The following CHN1 variants were observed in gnomAD, a reference collection of about 807,000 sequenced individuals.
CHN1 encodes the protein N-chimaerin.
CHN1 carries 37 observed loss-of-function variants against 59.5 expected under a neutral mutation model. That is an observed-to-expected ratio of 0.62 (90% CI 0.48 to 0.82). The LOEUF (loss-of-function observed/expected upper bound fraction) is 0.82. Ranked by LOEUF, CHN1 falls within the 40% of genes least tolerant of loss-of-function variation. The pLI is 0.00. For synonymous variants in CHN1, 206 were observed against 200.4 expected (o/e 1.03, Z -0.24); for missense variants, 469 against 571.0 (o/e 0.82, Z 1.82).
intron 6 of CHN1, among the ~76,000 whole-genome samples, chr2:174,860,892 A>C (rs1174124953): frequency 6.6e-6 from 1 of 152,086 alleles, no homozygotes; most frequent in African/African-American, 2.4e-5. Flanking sequence ...GTGCTTTTAA[A>C]GCCCTCTGAA....
At chr2:174,995,954 T>C (rs932987220) in intron 1 of CHN1, among the ~76,000 whole-genome samples, 1 of 152,216 alleles carries the variant, frequency 6.6e-6, no homozygotes, top group African/African-American at 2.4e-5. Context: ...ATAATTGTTC[T>C]ATTTTATTAT....
rs185788089 is a variant in CHN1 at position 174,980,023 on chromosome 2, A to G, written c.19+24871T>C. Among the ~76,000 whole-genome samples, 39 of 152,322 alleles carry G rather than the reference A, an allele frequency of 2.6e-4. 1 individual carries two copies. The highest frequency in any genetic ancestry group is 3.4e-3 in the Middle Eastern group (1 of 294). On this transcript the variant is annotated intron_variant, in intron 1 of 12. Coordinates refer to ENST00000409900, the MANE Select transcript of CHN1 (RefSeq NM_001822.7). ...ACTCTCACTTCTCTATAGGGGAAGG[A>G]GAAGTTGTTAAAGTCCTAAGAGTAG...
chr2:174,800,697 T>C (rs921966551), intron 12 of CHN1, among the ~76,000 whole-genome samples: 5 of 152,006 alleles, frequency 3.3e-5, no homozygotes, highest in South Asian at 2.1e-4. Flanking sequence ...AAGTAGACAG[T>C]TGAGTAAGTG....
intron 1 of CHN1, among the ~76,000 whole-genome samples, chr2:175,000,456 T>C (rs2105474187): frequency 1.3e-5 from 2 of 152,142 alleles, no homozygotes; most frequent in Admixed American, 1.3e-4. Flanking sequence ...TTTGTTTGTT[T>C]GTTTTGAGAC....
chr2:174,873,239 T>C (rs756601618), intron 6 of CHN1, among the ~76,000 whole-genome samples: 1 of 152,078 alleles, frequency 6.6e-6, no homozygotes, highest in Non-Finnish European at 1.5e-5. Context: ...ATTGGAGACT[T>C]AGGCATGTAA....
At chr2:174,991,922 T>C (rs971988624) in intron 1 of CHN1, among the ~76,000 whole-genome samples, 1 of 152,214 alleles carries the variant, frequency 6.6e-6, no homozygotes, top group South Asian at 2.1e-4. Context: ...AAGAAATGAA[T>C]CTTACTTTAG....
intron 1 of CHN1, among the ~76,000 whole-genome samples, chr2:175,000,054 T>C (rs929126061): frequency 1.9e-4 from 29 of 152,016 alleles, no homozygotes; most frequent in Admixed American, 1.6e-3. Context: ...TGTTCTTACA[T>C]AGTACCAGCT....
chr2:174,965,044 C>T (rs970182724), intron 1 of CHN1, among the ~76,000 whole-genome samples: 7 of 151,884 alleles, frequency 4.6e-5, no homozygotes, highest in Admixed American at 3.9e-4. Context: ...TTTAAAATCC[C>T]TAGTTAAATC....
At chr2:174,957,876 C>T (rs1307346083) in intron 1 of CHN1, among the ~76,000 whole-genome samples, 5 of 152,072 alleles carry the variant, frequency 3.3e-5, no homozygotes, top group Non-Finnish European at 7.4e-5. Flanking sequence ...GGCTTTGGGT[C>T]ACTGGTATCA....
chr2:174,867,412 T>C (rs1299799910), intron 6 of CHN1, among the ~76,000 whole-genome samples: 2 of 152,008 alleles, frequency 1.3e-5, no homozygotes, highest in Non-Finnish European at 2.9e-5. Flanking sequence ...GGAAGATTTA[T>C]TGTTAAACAT....
At chr2:174,957,457 G>GGGGGC (rs3056109) in intron 1 of CHN1, among the ~76,000 whole-genome samples, 1 of 121,218 alleles carries the variant, frequency 8.2e-6, no homozygotes, top group African/African-American at 3.1e-5. Flanking sequence ...GGGGGGGGGG[G>GGGGGC]CAGTTAATTA....
intron 6 of CHN1, among the ~76,000 whole-genome samples, chr2:174,857,749 A>G (rs1473715081): frequency 6.6e-6 from 1 of 152,070 alleles, no homozygotes. Flanking sequence ...ATTTTTGTCA[A>G]TTTTTACCCA....
chr2:174,949,651 T>C (rs544925528), intron 2 of CHN1, among the ~76,000 whole-genome samples: 1 of 152,246 alleles, frequency 6.6e-6, no homozygotes, highest in South Asian at 2.1e-4. Flanking sequence ...CAGGCCTGAG[T>C]CACCAAGCCT....
At chr2:174,942,922 A>G (rs1363118056) in intron 3 of CHN1, among the ~76,000 whole-genome samples, 1 of 151,934 alleles carries the variant, frequency 6.6e-6, no homozygotes, top group Non-Finnish European at 1.5e-5. Flanking sequence ...ATGGTGGCAC[A>G]TGCCTGTAGT....
intron 4 of CHN1, among the ~76,000 whole-genome samples, chr2:174,917,449 C>A (rs943298177): frequency 2.0e-5 from 3 of 151,544 alleles, no homozygotes; most frequent in African/African-American, 7.3e-5. Flanking sequence ...AAAAAAAATT[C>A]AATTAACTTA....
chr2:174,895,367 T>C (rs1440590716), intron 5 of CHN1, among the ~76,000 whole-genome samples: 3 of 152,004 alleles, frequency 2.0e-5, no homozygotes, highest in Non-Finnish European at 4.4e-5. Flanking sequence ...TACGGATATC[T>C]AGAGCAGTCA....
chr2:174,852,313 A>T (rs1686759510), intron 6 of CHN1, among the ~76,000 whole-genome samples: 1 of 152,034 alleles, frequency 6.6e-6, no homozygotes, highest in Admixed American at 6.6e-5. Context: ...GGTAACGAAA[A>T]CATAATCCCA....
intron 6 of CHN1, among the ~76,000 whole-genome samples, chr2:174,854,959 T>G (rs925617498): frequency 1.3e-5 from 2 of 152,148 alleles, no homozygotes; most frequent in Non-Finnish European, 2.9e-5. Flanking sequence ...TTCTGGCAAT[T>G]TTATAATTAA....
At chr2:174,984,221 GCTATGTGTATATCCCTTA>G (rs1376975049) in intron 1 of CHN1, among the ~76,000 whole-genome samples, 1 of 152,022 alleles carries the variant, frequency 6.6e-6, no homozygotes, top group Non-Finnish European at 1.5e-5. Flanking sequence ...TGCTCTGTGT[GCTATGTGTATATCCCTTA>G]CATCTGCTCC....
Sources: allele counts gnomAD v4.1 joint callset (sites outside exome capture counted in the v4.1 genomes callset), GRCh38; gene constraint gnomAD v4.1.1; transcripts MANE v1.5; gene names NCBI Gene and HGNC (gene_info 2026-07-23, HGNC 2026-07-21).